Variants in C10orf90 observed in about 807,000 individuals in gnomAD.
C10orf90 encodes the protein chromosome 10 open reading frame 90, also known as (E2-independent) E3 ubiquitin-conjugating enzyme FATS.
A neutral mutation model predicts 62.5 loss-of-function variants in C10orf90; 56 were observed. The ratio of observed to expected loss-of-function variants is 0.90; its 90% CI spans 0.72 to 1.12. The LOEUF is 1.12. C10orf90 is among the 50% of genes most tolerant of loss of function. The pLI is 0.00. For synonymous variants in C10orf90, 386 were observed against 340.4 expected (o/e 1.13, Z -1.47); for missense variants, 970 against 880.4 (o/e 1.10, Z -1.29).
Position 126,425,775 on chromosome 10 carries a change from A to T in C10orf90, c.*89T>A. On this transcript the variant is annotated 3_prime_UTR_variant, in exon 10 of 10. Coordinates refer to ENST00000488181, the MANE Select transcript of C10orf90 (RefSeq NM_001350921.2). The stretch of plus-strand genomic sequence containing the variant: ...TCGAAAGTAAAATAAGTGTTTTCCC[A>T]TGATGAAGATAATGCTAAGTTTAAT... 11 of 1,338,902 alleles carry T rather than the reference A, an allele frequency of 8.2e-6. No individual in the cohort carries two copies. The South Asian group carries it at 1.4e-4, about 17-fold the overall frequency. The allele number at this position is 1,338,902 out of a possible 1,614,324, so 82.9% of individuals were successfully genotyped here.
chr10:126,442,633 G>GTGTATATA (rs1160734939), intron 7 of C10orf90, among the ~76,000 whole-genome samples: 5 of 88,458 alleles, frequency 5.7e-5, no homozygotes, highest in African/African-American at 1.6e-4. Flanking sequence ...TTGTGTGTGT[G>GTGTATATA]TATATATATA....
intron 3 of C10orf90, among the ~76,000 whole-genome samples, chr10:126,510,607 C>G (rs1023140830): frequency 6.6e-6 from 1 of 152,132 alleles, no homozygotes; most frequent in Non-Finnish European, 1.5e-5. Context: ...GGTTTTGTGT[C>G]TTGCTTTGGT....
At chr10:126,556,246 C>T (rs1864769126) in intron 2 of C10orf90, among the ~76,000 whole-genome samples, 1 of 152,160 alleles carries the variant, frequency 6.6e-6, no homozygotes, top group African/African-American at 2.4e-5. Context: ...GGGATATGCA[C>T]AATTGCAAAA....
At chr10:126,613,042 T>C (rs1023063574) in intron 2 of C10orf90, among the ~76,000 whole-genome samples, 1 of 152,118 alleles carries the variant, frequency 6.6e-6, no homozygotes, top group Non-Finnish European at 1.5e-5. Context: ...TTGAATATAA[T>C]TATTATTAAT....
chr10:126,506,086 A>G (rs577336581), intron 3 of C10orf90, among the ~76,000 whole-genome samples: 1 of 152,358 alleles, frequency 6.6e-6, no homozygotes, highest in Admixed American at 6.5e-5. Context: ...ACCAAGGCAC[A>G]TGTAGCTTTG....
chr10:126,524,350 C>A (rs1291972597), intron 2 of C10orf90, among the ~76,000 whole-genome samples: 2 of 152,068 alleles, frequency 1.3e-5, no homozygotes, highest in African/African-American at 2.4e-5. Flanking sequence ...GTTGTGCAAC[C>A]CAAACACCTT....
intron 2 of C10orf90, among the ~76,000 whole-genome samples, chr10:126,530,221 G>A (rs1864058748): frequency 6.6e-6 from 1 of 151,662 alleles, no homozygotes; most frequent in African/African-American, 2.4e-5. Context: ...CATTAACATG[G>A]ATGAGAAAAA....
At chr10:126,457,988 G>A (rs369712118) in intron 7 of C10orf90, among the ~76,000 whole-genome samples, 1 of 152,102 alleles carries the variant, frequency 6.6e-6, no homozygotes, top group Non-Finnish European at 1.5e-5. Flanking sequence ...CAGGTGTCTT[G>A]TCAAATATTT....
At chr10:126,542,193 G>A (rs1243230454) in intron 2 of C10orf90, among the ~76,000 whole-genome samples, 1 of 152,148 alleles carries the variant, frequency 6.6e-6, no homozygotes, top group Non-Finnish European at 1.5e-5. Flanking sequence ...GGAAATGACT[G>A]CTTAGTGAGT....
chr10:126,664,755 C>G (rs1279646936), intron 1 of C10orf90, among the ~76,000 whole-genome samples: 1 of 152,164 alleles, frequency 6.6e-6, no homozygotes, highest in Non-Finnish European at 1.5e-5. Flanking sequence ...AAATACTGTC[C>G]ATTGTAGCGA....
At chr10:126,519,800 T>C (rs1318038904) in intron 2 of C10orf90, among the ~76,000 whole-genome samples, 1 of 152,156 alleles carries the variant, frequency 6.6e-6, no homozygotes, top group Non-Finnish European at 1.5e-5. Context: ...TCTTACTTTC[T>C]TTTGGGGGTT....
Position 126,426,290 on chromosome 10 carries a change from C to G in C10orf90, c.2253-200G>C, listed in dbSNP as rs896234737. Among the ~76,000 whole-genome samples, 4 of 152,214 alleles carry G rather than the reference C, an allele frequency of 2.6e-5. No homozygotes were observed. The East Asian group carries it at 5.8e-4, about 22-fold the overall frequency. ...CCTGCTGCATAGCAGGGGATGGCAC[C>G]TTGTCCAGTGCTACGTGGGGCAATG... On this transcript the variant is annotated intron_variant, in intron 8 of 9. Coordinates refer to ENST00000488181, the MANE Select transcript of C10orf90 (RefSeq NM_001350921.2).
In C10orf90 at chr10:126,569,880, G is replaced by A. The variant is rs114854889; in HGVS notation, c.314-55941C>T. Among the ~76,000 whole-genome samples the A allele has an allele frequency of 5.7e-3, 872 of 152,230 alleles. 11 individuals carry two copies. The highest frequency in any genetic ancestry group is 0.02 in the African/African-American group (832 of 41,526). ...TCCTAAAGTGTTTCTGAACTGTGGAGAAAGCAGGTTGTGTGTCACTTTCAA... is the reference window on the plus strand; with the variant it reads ...TCCTAAAGTGTTTCTGAACTGTGGAAAAAGCAGGTTGTGTGTCACTTTCAA... On this transcript the variant is annotated intron_variant, in intron 2 of 9. Transcript: ENST00000488181.
intron 4 of C10orf90, among the ~76,000 whole-genome samples, chr10:126,497,307 G>A (rs754008704): frequency 1.3e-5 from 2 of 152,176 alleles, no homozygotes; most frequent in African/African-American, 4.8e-5. Flanking sequence ...GTCAGAAAAG[G>A]TGAAGAGTAA....
rs111416286 is a variant in C10orf90, at chr10:126,482,557, G to A, written c.1535-17571C>T. 1.3e-3 allele frequency among the ~76,000 whole-genome samples: 205 copies of A among 152,296 alleles called. 1 individual carries two copies. Among genetic ancestry groups the A allele is most frequent in the African/African-American group, 4.5e-3 (186 of 41,568 alleles). ...AAATTAGACAAAAGCCAGGTGTGCA[G>A]AAGAGTGGGAATGGAGAAGCTGAGA... On this transcript the variant is annotated intron_variant, in intron 4 of 9. Coordinates refer to ENST00000488181, the MANE Select transcript of C10orf90 (RefSeq NM_001350921.2).
In C10orf90 at chr10:126,449,053, T is replaced by C. The variant is rs1488075164; in HGVS notation, c.2188+9987A>G. 2.6e-5 allele frequency among the ~76,000 whole-genome samples: 4 copies of C among 152,324 alleles called. No homozygotes were observed. The South Asian group carries it at 8.3e-4, about 32-fold the overall frequency. On this transcript the variant is annotated intron_variant, in intron 7 of 9. Coordinates refer to ENST00000488181, the MANE Select transcript of C10orf90 (RefSeq NM_001350921.2). ...TCATTTTATGAGGCCATCATTACTC[T>C]GACACCAAAGTCAGATAAGAACATT...
chr10:126,634,414 T>C (rs559650560), intron 2 of C10orf90, among the ~76,000 whole-genome samples: 1 of 152,248 alleles, frequency 6.6e-6, no homozygotes, highest in East Asian at 1.9e-4. Flanking sequence ...GTATCTAAAA[T>C]AGCAGAATTC....
intron 2 of C10orf90, among the ~76,000 whole-genome samples, chr10:126,628,932 C>G (rs148389424): frequency 6.6e-6 from 1 of 152,188 alleles, no homozygotes; most frequent in Non-Finnish European, 1.5e-5. Flanking sequence ...GGGTGCCCAC[C>G]GCTGTGTAGA....
rs1283658810 is a variant in C10orf90, at chr10:126,670,380, C to T, written c.101G>A (p.Ser34Asn). ...VHRTFQIKTFSTELKNHVMVM... is the reference protein window; with the variant it reads ...VHRTFQIKTFNTELKNHVMVM... The stretch of plus-strand genomic sequence containing the variant: ...CATCACATGGTTTTTCAACTCTGTA[C>T]TAAATGTTTTTATCTGGAAAGTCCG... Residue 34 changes from serine (S) to asparagine (N), a missense_variant, in exon 1 of 10, where the codon AGT becomes AAT. Coordinates refer to ENST00000488181, the MANE Select transcript of C10orf90 (RefSeq NM_001350921.2). 4.4e-6 allele frequency: 2 copies of T among 456,602 alleles called. No individual in the cohort carries two copies. Among genetic ancestry groups the T allele is most frequent in the Non-Finnish European group, 8.8e-6 (2 of 226,982 alleles). 28.3% of individuals were successfully genotyped at this position (456,602 alleles called of 1,614,324 possible). A position where few individuals can be genotyped will look rare whatever the true frequency, so the allele number is the denominator to read the frequency against.
Sources: allele counts gnomAD v4.1 joint callset (sites outside exome capture counted in the v4.1 genomes callset), GRCh38; gene constraint gnomAD v4.1.1; transcripts MANE v1.5; gene names NCBI Gene and HGNC (gene_info 2026-07-23, HGNC 2026-07-21).